CCSER1: variants seen among roughly 807,000 people sequenced by gnomAD.
CCSER1 encodes the protein coiled-coil serine rich protein 1, also known as serine-rich coiled-coil domain-containing protein 1.
CCSER1 carries 41 observed loss-of-function variants against 82.0 expected under a neutral mutation model. That is an observed-to-expected ratio of 0.50 (90% CI 0.39 to 0.65). The LOEUF (loss-of-function observed/expected upper bound fraction) is 0.65. CCSER1 is among the 30% of genes least tolerant of loss of function. The probability of loss-of-function intolerance (pLI) is 0.00; values close to 1 mark genes in which losing one functional copy is unlikely to be tolerated. For synonymous variants in CCSER1, 414 were observed against 383.9 expected, an observed-to-expected ratio of 1.08 and a Z score of -0.92; for missense variants, 1,119 against 1,064.2, an observed-to-expected ratio of 1.05 and a Z score of -0.72.
At chr4:91,407,966 C>T (rs1010064879) in intron 10 of CCSER1, among the ~76,000 whole-genome samples, 2 of 152,016 alleles carry the variant, frequency 1.3e-5, no homozygotes, top group Non-Finnish European at 2.9e-5. Context: ...GGTCTATTGC[C>T]GTTTCAGTGA....
chr4:91,059,344 T>TATATATACATATAGTGTATATATATGTGG (rs1743750813), intron 9 of CCSER1, among the ~76,000 whole-genome samples: 1 of 150,114 alleles, frequency 6.7e-6, no homozygotes, highest in Non-Finnish European at 1.5e-5. Context: ...TATATATGTG[T>TATATATACATATAGTGTATATATATGTGG]ATATATACAC....
intron 10 of CCSER1, among the ~76,000 whole-genome samples, chr4:91,091,182 T>A (rs1038326144): frequency 1.3e-5 from 2 of 152,226 alleles, no homozygotes; most frequent in Non-Finnish European, 2.9e-5. Context: ...CGTCAAATTA[T>A]AAGATTATGC....
chr4:90,491,065 T>G (rs1308768208), intron 5 of CCSER1, among the ~76,000 whole-genome samples: 2 of 152,156 alleles, frequency 1.3e-5, no homozygotes, highest in African/African-American at 4.8e-5. Flanking sequence ...AAGAAAGTCA[T>G]TGGTAGCTTG....
intron 9 of CCSER1, among the ~76,000 whole-genome samples, chr4:91,054,977 T>C (rs372180653): frequency 1.4e-4 from 22 of 152,258 alleles, no homozygotes; most frequent in African/African-American, 5.3e-4. Flanking sequence ...TCTATTTACA[T>C]TTAAAGACTT....
At chr4:90,262,564 A>G (rs1488414515) in intron 1 of CCSER1, among the ~76,000 whole-genome samples, 1 of 152,114 alleles carries the variant, frequency 6.6e-6, no homozygotes, top group East Asian at 1.9e-4. Flanking sequence ...GTTTTAGGCC[A>G]ATAGAGGATG....
chr4:90,894,650 A>G (rs924931768), intron 8 of CCSER1, among the ~76,000 whole-genome samples: 3 of 151,254 alleles, frequency 2.0e-5, no homozygotes, highest in Non-Finnish European at 3.0e-5. Context: ...TTCTTTCACC[A>G]TTTCTTTCCT....
chr4:90,917,228 C>T (rs578125671), intron 8 of CCSER1, among the ~76,000 whole-genome samples: 6 of 152,232 alleles, frequency 3.9e-5, no homozygotes, highest in African/African-American at 9.6e-5. Flanking sequence ...ATGTTTATTG[C>T]GGCACTGTTC....
intron 1 of CCSER1, among the ~76,000 whole-genome samples, chr4:90,202,817 A>G (rs1210853577): frequency 6.6e-6 from 1 of 152,196 alleles, no homozygotes; most frequent in Non-Finnish European, 1.5e-5. Flanking sequence ...CTTCTCATTT[A>G]TAGAAATGCA....
chr4:91,427,423 G>A (rs1352380757), intron 10 of CCSER1, among the ~76,000 whole-genome samples: 1 of 152,024 alleles, frequency 6.6e-6, no homozygotes, highest in African/African-American at 2.4e-5. Context: ...AAACTTGTAC[G>A]ATCATGAGTA....
chr4:91,267,018 C>G (rs1484827668), intron 10 of CCSER1, among the ~76,000 whole-genome samples: 1 of 152,188 alleles, frequency 6.6e-6, no homozygotes, highest in African/African-American at 2.4e-5. Flanking sequence ...TTTAACCGGT[C>G]AAGACAAACT....
chr4:91,586,088 G>A (rs758195306), intron 10 of CCSER1, among the ~76,000 whole-genome samples: 1 of 151,588 alleles, frequency 6.6e-6, no homozygotes, highest in African/African-American at 2.4e-5. Context: ...GTGATAGAGT[G>A]TAGAGGTAGA....
intron 1 of CCSER1, among the ~76,000 whole-genome samples, chr4:90,242,616 A>G (rs1305179912): frequency 6.6e-6 from 1 of 152,242 alleles, no homozygotes; most frequent in South Asian, 2.1e-4. Context: ...CACAAAATGC[A>G]TCATTTCCAT....
chr4:90,253,939 TA>T (rs1722821434), intron 1 of CCSER1, among the ~76,000 whole-genome samples: 1 of 152,166 alleles, frequency 6.6e-6, no homozygotes, highest in Non-Finnish European at 1.5e-5. Context: ...TGACAATACC[TA>T]GTGCATAGAT....
chr4:90,532,852 T>C (rs1044838220), intron 5 of CCSER1, among the ~76,000 whole-genome samples: 1 of 152,270 alleles, frequency 6.6e-6, no homozygotes, highest in South Asian at 2.1e-4. Context: ...CTCCTCTACT[T>C]CTCCCAAGTA....
intron 10 of CCSER1, among the ~76,000 whole-genome samples, chr4:91,487,388 T>A (rs556893544): frequency 3.6e-4 from 55 of 152,248 alleles, no homozygotes; most frequent in Non-Finnish European, 7.2e-4. Context: ...GCTCTTTTGT[T>A]GTGGAGAAAG....
At chr4:90,829,094 A>G (rs1201913312) in intron 8 of CCSER1, among the ~76,000 whole-genome samples, 3 of 152,152 alleles carry the variant, frequency 2.0e-5, no homozygotes, top group Non-Finnish European at 4.4e-5. Flanking sequence ...AAAGACAAGT[A>G]GTCAAGAGAA....
intron 10 of CCSER1, among the ~76,000 whole-genome samples, chr4:91,155,229 T>C (rs1250657852): frequency 2.6e-5 from 4 of 151,820 alleles, no homozygotes; most frequent in Admixed American, 2.0e-4. Context: ...TAGGAGGTAA[T>C]TGAATTATAG....
chr4:90,164,440 A>T (rs887059517), intron 1 of CCSER1, among the ~76,000 whole-genome samples: 5 of 152,148 alleles, frequency 3.3e-5, no homozygotes, highest in African/African-American at 1.2e-4. Context: ...TGTTGGACAA[A>T]AAAGAATCTG....
intron 3 of CCSER1, among the ~76,000 whole-genome samples, chr4:90,367,061 T>C (rs986198333): frequency 2.0e-5 from 3 of 151,884 alleles, no homozygotes; most frequent in Non-Finnish European, 4.4e-5. Flanking sequence ...AATGATTACA[T>C]GGTATTGAGA....
Sources: gnomAD v4.1 joint callset for allele counts (sites outside exome capture counted in the v4.1 genomes callset) on GRCh38, gnomAD v4.1.1 for gene constraint, MANE v1.5 for transcripts, NCBI Gene and HGNC (gene_info 2026-07-23, HGNC 2026-07-21) for gene names.